The following CCDC88A variants were observed in gnomAD, a reference collection of about 807,000 sequenced individuals.
The protein encoded by CCDC88A is girdin.
In CCDC88A, 54 loss-of-function variants were observed where a neutral mutation model predicts 234.3. The observed-to-expected ratio is 0.23, with a 90% CI of 0.19 to 0.29. The LOEUF is 0.29. Ranked by LOEUF, CCDC88A falls within the 10% of genes least tolerant of loss-of-function variation. The pLI is 1.00. For synonymous variants in CCDC88A, 753 were observed against 737.8 expected, an observed-to-expected ratio of 1.02 and a Z score of -0.33; for missense variants, 1,832 against 2,123.4, an observed-to-expected ratio of 0.86 and a Z score of 2.70.
At chr2:55,396,480 A>G (rs1464156361) in intron 2 of CCDC88A, among the ~76,000 whole-genome samples, 1 of 152,202 alleles carries the variant, frequency 6.6e-6, no homozygotes, top group Admixed American at 6.5e-5. Flanking sequence ...GCCAAAGTTC[A>G]AACTAGTAAT....
At chr2:55,411,829 T>C (rs1017062301) in intron 2 of CCDC88A, among the ~76,000 whole-genome samples, 1 of 149,908 alleles carries the variant, frequency 6.7e-6, no homozygotes. Context: ...AGGAAAGTTA[T>C]TGGAAACCAA....
Position 55,303,547 on chromosome 2 carries a change from A to C in CCDC88A, c.4388-395T>G, listed in dbSNP as rs537805583. Among the ~76,000 whole-genome samples, 9 of 152,032 alleles carry C rather than the reference A, an allele frequency of 5.9e-5. No individual in the cohort carries two copies. In the South Asian group the frequency reaches 1.7e-3, roughly 28 times the overall value. ...CAGGCATGTGCCAACATGCCTGGCT[A>C]ATTTTGTATTTTTAGTAGAGACAGG... On this transcript the variant is annotated intron_variant, in intron 25 of 32. Coordinates refer to ENST00000436346, the MANE Select transcript of CCDC88A (RefSeq NM_001365480.1).
intron 27 of CCDC88A, chr2:55,301,522 GC>G (rs1363290174): frequency 1.4e-5 from 7 of 500,762 alleles, no homozygotes; most frequent in African/African-American, 4.0e-5. Context: ...ACCCTGCAAA[GC>G]AAAACAAGAG....
chr2:55,399,459 G>A (rs111756681), intron 2 of CCDC88A, among the ~76,000 whole-genome samples: 4,854 of 151,148 alleles, frequency 0.032, 253 homozygotes, highest in African/African-American at 0.1. Context: ...GCTGGGAGGC[G>A]GAGGTTGCAG....
intron 2 of CCDC88A, chr2:55,417,725 G>A (rs1681718778): frequency 6.6e-6 from 1 of 151,926 alleles, no homozygotes; most frequent in Non-Finnish European, 1.5e-5. Context: ...AAGTTAACAC[G>A]AGAGCAATTT....
intron 3 of CCDC88A, among the ~76,000 whole-genome samples, chr2:55,382,382 C>CT (rs1674735606): frequency 6.6e-6 from 1 of 152,144 alleles, no homozygotes; most frequent in East Asian, 1.9e-4. Context: ...ATGTTCTTTC[C>CT]TTTGCAGCCT....
chr2:55,339,476 C>A lies in CCDC88A; in HGVS notation c.1506G>T (p.Arg502Ser), dbSNP rs563014353. ...KILKMEKENQ[R>S]LSKKVEILEN... is the part of the protein sequence containing the mutation. Reference sequence around the variant, plus strand: ...CATTTTAATTTACCTTTTTACTGAGCCTTTGATTTTCTTTTTCCATTTTCA... The same window carrying A: ...CATTTTAATTTACCTTTTTACTGAGACTTTGATTTTCTTTTTCCATTTTCA... The change falls in exon 13 of 33, where the codon AGG (arginine) becomes AGT (serine). Residue 502 changes from arginine to serine, a missense_variant. Arg to Ser is a moderately radical substitution (Grantham distance 110, BLOSUM62 -1). This residue lies in a region of CCDC88A where 1,282 missense variants were observed against 1,543.6 expected (regional missense o/e 0.83). Coordinates refer to ENST00000436346, the MANE Select transcript of CCDC88A (RefSeq NM_001365480.1). 1.9e-5 allele frequency: 29 copies of A among 1,560,216 alleles called. No individual in the cohort carries two copies. In the South Asian group the frequency reaches 2.4e-4, roughly 13 times the overall value.
intron 3 of CCDC88A, among the ~76,000 whole-genome samples, chr2:55,375,468 A>AATATATAT (rs1558768191): frequency 5.4e-5 from 7 of 129,720 alleles, no homozygotes; most frequent in East Asian, 2.8e-4. Flanking sequence ...CTGTCACTGT[A>AATATATAT]CTATATATAT....
At chr2:55,403,117 G>A (rs144013586) in intron 2 of CCDC88A, among the ~76,000 whole-genome samples, 1 of 151,956 alleles carries the variant, frequency 6.6e-6, no homozygotes, top group African/African-American at 2.4e-5. Flanking sequence ...TTTCATCATT[G>A]ACAACAAATA....
intron 2 of CCDC88A, chr2:55,404,685 A>G (rs1679256209): frequency 6.6e-6 from 1 of 152,242 alleles, no homozygotes; most frequent in South Asian, 2.1e-4. Flanking sequence ...CATGGTCTAC[A>G]AATGGTCCAT....
intron 3 of CCDC88A, among the ~76,000 whole-genome samples, chr2:55,384,722 T>TCTCCGCTTACTGTAACTTCTAC (rs1179137550): frequency 6.6e-6 from 1 of 150,576 alleles, no homozygotes; most frequent in African/African-American, 2.5e-5. Context: ...AGTGGTGTGA[T>TCTCCGCTTACTGTAACTTCTAC]CTCCGCTTAC....
intron 6 of CCDC88A, 43 bp downstream of exon 6, chr2:55,363,907 C>A: frequency 9.3e-7 from 1 of 1,079,824 alleles, no homozygotes; most frequent in Non-Finnish European, 1.4e-6. Context: ...AAACACACCA[C>A]AAGCTTCATA....
At chr2:55,372,668 T>C (rs531512275) in intron 4 of CCDC88A, among the ~76,000 whole-genome samples, 158 bp from the exon 5 acceptor site, 1 of 152,298 alleles carries the variant, frequency 6.6e-6, no homozygotes, top group African/African-American at 2.4e-5. Flanking sequence ...GCTCTGTGTA[T>C]GTACACGGTG....
intron 2 of CCDC88A, among the ~76,000 whole-genome samples, chr2:55,399,461 A>C (rs1574466343): frequency 6.8e-6 from 1 of 146,990 alleles, no homozygotes; most frequent in Admixed American, 7.0e-5. Context: ...TGGGAGGCGG[A>C]GGTTGCAGTG....
chr2:55,363,790 C>T, intron 6 of CCDC88A, 160 bp downstream of exon 6: 1 of 496,472 alleles, frequency 2.0e-6, no homozygotes, highest in Non-Finnish European at 3.5e-6. Context: ...GTGTAAGAAA[C>T]TATCTCTAAA....
intron 7 of CCDC88A, among the ~76,000 whole-genome samples, chr2:55,357,324 CTTCCTTCT>C (rs1337578763): frequency 2.4e-4 from 36 of 150,702 alleles, no homozygotes; most frequent in South Asian, 6.4e-4. Context: ...TCCTTCCTTC[CTTCCTTCT>C]TTCCTTCCTT....
intron 15 of CCDC88A, among the ~76,000 whole-genome samples, chr2:55,333,212 A>AGACTGCCCAATGTGACCTT (rs1685131158): frequency 6.6e-6 from 1 of 152,226 alleles, no homozygotes; most frequent in Non-Finnish European, 1.5e-5. Context: ...CTTCTTTAGC[A>AGACTGCCCAATGTGACCTT]GAAATGCAGA....
rs551648223 is a variant in CCDC88A, at chr2:55,287,853, A to G, written c.*3347T>C. On this transcript the variant is annotated 3_prime_UTR_variant, in exon 33 of 33. Coordinates refer to ENST00000436346, the MANE Select transcript of CCDC88A (RefSeq NM_001365480.1). ...TGATTACTAACCAGTTGTTACAAAA[A>G]TCACCTCTTGGTTTTATTTCTTTTT... 1 of 152,370 alleles carries G rather than the reference A, an allele frequency of 6.6e-6. No homozygotes were observed. The highest frequency in any genetic ancestry group is 2.4e-5 in the African/African-American group (1 of 41,562). The allele number at this position is 152,370 out of a possible 1,614,324, so 9.4% of individuals were successfully genotyped here. A position where few individuals can be genotyped will look rare whatever the true frequency, so the allele number is the denominator to read the frequency against.
At chr2:55,353,049 G>C (rs1183397791) in intron 8 of CCDC88A, among the ~76,000 whole-genome samples, 1 of 152,130 alleles carries the variant, frequency 6.6e-6, no homozygotes, top group African/African-American at 2.4e-5. Context: ...TTGTTGAAAA[G>C]CTAGTTACCG....
Sources: gnomAD v4.1 joint callset for allele counts (sites outside exome capture counted in the v4.1 genomes callset) on GRCh38, gnomAD v4.1.1 for gene constraint, gnomAD v4.1.1 regional missense constraint, MANE v1.5 for transcripts, NCBI Gene and HGNC (gene_info 2026-07-23, HGNC 2026-07-21) for gene names.